Variants in RANBP2 observed in about 807,000 individuals in gnomAD.
RANBP2 encodes the protein E3 SUMO-protein ligase RanBP2.
A neutral mutation model predicts 303.6 loss-of-function variants in RANBP2; 57 were observed. The ratio of observed to expected loss-of-function variants is 0.19; its 90% CI spans 0.15 to 0.23. The LOEUF (loss-of-function observed/expected upper bound fraction) is 0.23. Ranked by LOEUF, RANBP2 falls within the 10% of genes least tolerant of loss-of-function variation. The pLI, the probability that RANBP2 is intolerant of heterozygous loss-of-function variation, is 1.00. For synonymous variants in RANBP2, 1,167 were observed against 1,301.5 expected (o/e 0.90, Z 2.23); for missense variants, 3,138 against 3,780.8 (o/e 0.83, Z 4.46).
the RANBP2 span, among the ~76,000 whole-genome samples, chr2:109,499,783 G>GTT: frequency 6.6e-6 from 1 of 152,180 alleles, no homozygotes; most frequent in Non-Finnish European, 1.5e-5. Flanking sequence ...GTGTGTGTGT[G>GTT]TCCTGTCAAA....
chr2:109,499,714 C>T, the RANBP2 span, among the ~76,000 whole-genome samples: 1 of 152,194 alleles, frequency 6.6e-6, no homozygotes, highest in Non-Finnish European at 1.5e-5. Context: ...CCTTGTTCCT[C>T]CTCCTCTGTG....
the RANBP2 span, among the ~76,000 whole-genome samples, chr2:108,977,278 C>CT: frequency 4.0e-5 from 6 of 151,868 alleles, no homozygotes; most frequent in Admixed American, 6.6e-5. Context: ...CTCGCCTTTT[C>CT]TTTTTTTTGA....
At chr2:109,145,265 G>A in the RANBP2 span, among the ~76,000 whole-genome samples, 27 of 152,244 alleles carry the variant, frequency 1.8e-4, no homozygotes, top group South Asian at 1.7e-3. Context: ...CTGTGGCCCC[G>A]GTGATTGTCT....
the RANBP2 span, among the ~76,000 whole-genome samples, chr2:109,653,348 T>C: frequency 1.3e-5 from 2 of 151,300 alleles, no homozygotes; most frequent in South Asian, 2.1e-4. Flanking sequence ...TGAGCCGAGT[T>C]CGCGGCACCC....
chr2:109,614,172 G>GAGCAGTGATTGCGGCCCTCGCGA, the RANBP2 span: 1 of 1,175,578 alleles, frequency 8.5e-7, no homozygotes, highest in Non-Finnish European at 1.1e-6. Flanking sequence ...GGGAACTGCG[G>GAGCAGTGATTGCGGCCCTCGCGA]AGCAGTGATT....
the RANBP2 span, among the ~76,000 whole-genome samples, chr2:108,827,700 C>T: frequency 2.0e-5 from 3 of 151,754 alleles, no homozygotes; most frequent in African/African-American, 7.3e-5. Flanking sequence ...CTTGTAGTCC[C>T]AGCTACTCGG....
At chr2:108,944,380 C>T in the RANBP2 span, among the ~76,000 whole-genome samples, 1 of 152,228 alleles carries the variant, frequency 6.6e-6, no homozygotes, top group African/African-American at 2.4e-5. Flanking sequence ...TCCCAAAGTG[C>T]TGGGATTACA....
chr2:109,696,683 C>T, the RANBP2 span, among the ~76,000 whole-genome samples: 36 of 152,240 alleles, frequency 2.4e-4, no homozygotes, highest in Middle Eastern at 3.4e-3. Flanking sequence ...GAGATTTTAT[C>T]GGAATTGTAT....
the RANBP2 span, among the ~76,000 whole-genome samples, chr2:108,925,292 T>C: frequency 6.6e-6 from 1 of 152,260 alleles, no homozygotes; most frequent in Non-Finnish European, 1.5e-5. Context: ...GGAACTTTGA[T>C]GCTGAGGTGG....
At chr2:109,611,081 T>C in the RANBP2 span, among the ~76,000 whole-genome samples, 1 of 152,120 alleles carries the variant, frequency 6.6e-6, no homozygotes, top group Non-Finnish European at 1.5e-5. Context: ...AACAACTCAA[T>C]AATGGAAAGG....
At chr2:109,564,549 A>T in the RANBP2 span, 22 of 1,479,088 alleles carry the variant, frequency 1.5e-5, no homozygotes, top group Non-Finnish European at 2.0e-5. Flanking sequence ...CCAAAAAAAA[A>T]TAAGAAAAGA....
At chr2:108,794,775 A>C in the RANBP2 span, 3 of 1,351,576 alleles carry the variant, frequency 2.2e-6, no homozygotes, top group South Asian at 4.0e-5. Context: ...TCTAAGAACC[A>C]AGCATTTACG....
At chr2:108,724,166 G>GTT (rs759332759) in intron 1 of RANBP2, among the ~76,000 whole-genome samples, 2 of 152,034 alleles carry the variant, frequency 1.3e-5, no homozygotes, top group Non-Finnish European at 2.9e-5. Context: ...TTTTTTGTTT[G>GTT]TTTGTTTTTG....
At chr2:108,910,555 G>C in the RANBP2 span, 1 of 1,599,714 alleles carries the variant, frequency 6.3e-7, no homozygotes, top group African/African-American at 1.3e-5. Flanking sequence ...GGGGAGGTTG[G>C]GGAGATAGGA....
the RANBP2 span, among the ~76,000 whole-genome samples, chr2:109,357,362 T>C: frequency 6.6e-6 from 1 of 152,162 alleles, no homozygotes; most frequent in African/African-American, 2.4e-5. Flanking sequence ...TGTGTATTTT[T>C]AGTAGAGACG....
chr2:109,383,683 C>T, the RANBP2 span, among the ~76,000 whole-genome samples: 1 of 152,164 alleles, frequency 6.6e-6, no homozygotes, highest in Non-Finnish European at 1.5e-5. Context: ...ATTCCAGCTT[C>T]ATTTCGTTGC....
At chr2:109,246,447 A>G in the RANBP2 span, among the ~76,000 whole-genome samples, 1 of 152,146 alleles carries the variant, frequency 6.6e-6, no homozygotes, top group East Asian at 1.9e-4. Flanking sequence ...CACCTCCCCA[A>G]AGGCCTCAGC....
chr2:109,050,617 C>T, the RANBP2 span, among the ~76,000 whole-genome samples: 39 of 152,186 alleles, frequency 2.6e-4, no homozygotes, highest in Middle Eastern at 6.8e-3. Context: ...CATATTTCTA[C>T]TGGACAGCTG....
intron 28 of RANBP2, 72 bp from the exon 29 acceptor site, chr2:108,783,524 T>C (rs977512944): frequency 5.1e-6 from 6 of 1,177,114 alleles, no homozygotes; most frequent in Non-Finnish European, 7.3e-6. Flanking sequence ...TGTGTGTATT[T>C]TAATATTTTA....
Sources: gnomAD v4.1 joint callset for allele counts (sites outside exome capture counted in the v4.1 genomes callset) on GRCh38, gnomAD v4.1.1 for gene constraint, MANE v1.5 for transcripts, NCBI Gene and HGNC (gene_info 2026-07-23, HGNC 2026-07-21) for gene names.